Variants in WWP2 observed in about 807,000 individuals in gnomAD.
The protein encoded by WWP2 is WW domain containing E3 ubiquitin protein ligase 2, also known as NEDD4-like E3 ubiquitin-protein ligase WWP2.
A neutral mutation model predicts 121.0 loss-of-function variants in WWP2; 57 were observed. The observed-to-expected ratio is 0.47, with a 90% CI of 0.38 to 0.59. The LOEUF (loss-of-function observed/expected upper bound fraction) is 0.59, where lower values mean the gene tolerates loss of function less well. Ranked by LOEUF, WWP2 falls within the 20% of genes least tolerant of loss-of-function variation. The pLI, the probability that WWP2 is intolerant of heterozygous loss-of-function variation, is 0.00. For synonymous variants in WWP2, 449 were observed against 441.3 expected, an observed-to-expected ratio of 1.02 and a Z score of -0.22; for missense variants, 962 against 1,158.9, an observed-to-expected ratio of 0.83 and a Z score of 2.47.
intron 8 of WWP2, among the ~76,000 whole-genome samples, chr16:69,898,332 A>G (rs147921462): frequency 6.8e-4 from 103 of 151,832 alleles, no homozygotes; most frequent in Non-Finnish European, 1.3e-3. Flanking sequence ...CCAGCCAGTT[A>G]TTTCTTAAAG....
At chr16:69,880,812 A>G (rs1260324690) in intron 7 of WWP2, among the ~76,000 whole-genome samples, 1 of 152,200 alleles carries the variant, frequency 6.6e-6, no homozygotes, top group Non-Finnish European at 1.5e-5. Context: ...TTCAGTAGAA[A>G]GAACTTCTGT....
rs561604386 is a variant in WWP2, at chr16:69,936,178, A to G, written c.1977-134A>G. The G allele has an allele frequency of 1.2e-4, 170 of 1,460,632 alleles. No individual in the cohort carries two copies. The African/African-American group carries it at 2.2e-3, about 19-fold the overall frequency. The allele number at this position is 1,460,632 out of a possible 1,614,324, so 90.5% of individuals were successfully genotyped here. A position where few individuals can be genotyped will look rare whatever the true frequency, so the allele number is the denominator to read the frequency against. On this transcript the variant is annotated intron_variant, in intron 18 of 23. Coordinates refer to ENST00000359154, the MANE Select transcript of WWP2 (RefSeq NM_001270454.2). ...GTTCTAGAACCTTCTCCTTGAGTCA[A>G]GGAGCTGTCCCCTGTCACTGTTCAG...
At chr16:69,821,288 C>T (rs1241517072) in intron 4 of WWP2, among the ~76,000 whole-genome samples, 2 of 152,198 alleles carry the variant, frequency 1.3e-5, no homozygotes, top group South Asian at 2.1e-4. Flanking sequence ...AAGTTGCAGC[C>T]GGGGCCCTTT....
rs181478010 is a variant in WWP2, at chr16:69,940,424, G to A, written c.*484G>A. 4.8e-4 allele frequency: 76 copies of A among 157,222 alleles called. No individual in the cohort carries two copies. The highest frequency in any genetic ancestry group is 1.8e-3 in the African/African-American group (75 of 41,678). The allele number at this position is 157,222 out of a possible 1,614,324, so 9.7% of individuals were successfully genotyped here. On this transcript the variant is annotated 3_prime_UTR_variant, in exon 24 of 24. Coordinates refer to ENST00000359154, the MANE Select transcript of WWP2 (RefSeq NM_001270454.2). The stretch of plus-strand genomic sequence containing the variant: ...ATTGAGCCTCTCTGATGATGGAGAT[G>A]AAGTGAAGGTCTGAGGGAGCGGGCC...
intron 6 of WWP2, among the ~76,000 whole-genome samples, chr16:69,856,208 A>C (rs2057308970): frequency 2.0e-5 from 3 of 152,228 alleles, no homozygotes; most frequent in Non-Finnish European, 4.4e-5. Flanking sequence ...CCAGACATAG[A>C]AGCTTATGTT....
intron 12 of WWP2, among the ~76,000 whole-genome samples, chr16:69,929,754 G>A (rs1203386088): frequency 2.6e-5 from 4 of 152,222 alleles, no homozygotes; most frequent in Non-Finnish European, 5.9e-5. Flanking sequence ...AGGGCGGCCC[G>A]GCTGGCGGGT....
intron 9 of WWP2, chr16:69,909,183 CA>C (rs1329630966): frequency 9.7e-7 from 1 of 1,029,136 alleles, no homozygotes; most frequent in African/African-American, 1.7e-5. Flanking sequence ...CCAAGTTATC[CA>C]AAACCAAAGG....
At chr16:69,863,476 T>C (rs2057462600) in intron 6 of WWP2, among the ~76,000 whole-genome samples, 1 of 151,730 alleles carries the variant, frequency 6.6e-6, no homozygotes, top group Non-Finnish European at 1.5e-5. Context: ...CCGTCTTTAC[T>C]AAAAACACAA....
intron 4 of WWP2, among the ~76,000 whole-genome samples, chr16:69,832,037 C>T (rs924357897): frequency 4.6e-5 from 7 of 152,038 alleles, no homozygotes; most frequent in Non-Finnish European, 1.0e-4. Flanking sequence ...CCATGTTGCC[C>T]AGGCGGGTCT....
At chr16:69,933,539 G>A (rs758984962) in intron 16 of WWP2, among the ~76,000 whole-genome samples, 8 of 152,196 alleles carry the variant, frequency 5.3e-5, no homozygotes, top group Non-Finnish European at 1.0e-4. Flanking sequence ...TGGAAACAGG[G>A]TAGTTACTAT....
chr16:69,798,801 G>A lies in WWP2; in HGVS notation c.190G>A (p.Glu64Lys). The A allele has an allele frequency of 1.9e-6, 3 of 1,614,026 alleles. No homozygotes were observed. Among genetic ancestry groups the A allele is most frequent in the Non-Finnish European group, 2.5e-6 (3 of 1,179,996 alleles). Residue 64 changes from glutamate to lysine, a missense_variant, in exon 3 of 24, where the codon GAG (glutamate) becomes AAG (lysine). By Grantham distance (56) the Glu-to-Lys change is moderately conservative. Transcript: ENST00000359154. ...KKTGKRIGSS[E>K]LLWNEIIILN... ...GACTGGGAAGCGCATTGGGAGCTCTGAGCTTCTCTGGAATGAGATCATCAT... is the reference window on the plus strand; with the variant it reads ...GACTGGGAAGCGCATTGGGAGCTCTAAGCTTCTCTGGAATGAGATCATCAT...
chr16:69,842,114 G>C lies in WWP2; in HGVS notation c.569G>C (p.Arg190Thr). The C allele has an allele frequency of 6.2e-7, 1 of 1,612,360 alleles. No homozygotes were observed. The highest frequency in any genetic ancestry group is 8.5e-7 in the Non-Finnish European group (1 of 1,179,254). ...CCCAGCACAAACTGCTTTGGTGGAA[G>C]ATCCCGGTAAGACCCCCCTTGGTGA... ...QPPSTNCFGG[R>T]SRTHRHSGAS... The change falls in exon 6 of 24, where the codon AGA (arginine) becomes ACA (threonine). Residue 190 changes from arginine to threonine, a missense_variant. By Grantham distance (71) the Arg-to-Thr change is moderately conservative. Around this residue, in one of 3 missense-constraint regions of WWP2, gnomAD observed 211 missense variants for 196.5 expected, o/e 1.07. Transcript: ENST00000359154.
chr16:69,828,753 G>A (rs1597014331), intron 4 of WWP2, among the ~76,000 whole-genome samples: 1 of 152,104 alleles, frequency 6.6e-6, no homozygotes. Flanking sequence ...CACCCGTCTT[G>A]GCAAGGTCAT....
intron 4 of WWP2, among the ~76,000 whole-genome samples, chr16:69,836,240 G>T (rs1448491913): frequency 6.6e-6 from 1 of 151,416 alleles, no homozygotes; most frequent in Non-Finnish European, 1.5e-5. Flanking sequence ...CACAATTCAC[G>T]CATGGCATTT....
At chr16:69,807,679 G>A (rs547914279) in intron 4 of WWP2, among the ~76,000 whole-genome samples, 12 of 149,664 alleles carry the variant, frequency 8.0e-5, no homozygotes, top group East Asian at 2.0e-4. Context: ...GCAGCCAGGT[G>A]CAGTAGCTTA....
chr16:69,863,290 G>A (rs1318792177), intron 6 of WWP2, among the ~76,000 whole-genome samples: 1 of 152,070 alleles, frequency 6.6e-6, no homozygotes, highest in African/African-American at 2.4e-5. Flanking sequence ...CCTTACTAGT[G>A]TATAGTTCTG....
chr16:69,915,861 T>G (rs959282138), intron 9 of WWP2, among the ~76,000 whole-genome samples: 1 of 151,982 alleles, frequency 6.6e-6, no homozygotes, highest in African/African-American at 2.4e-5. Flanking sequence ...CGGGGAGGCT[T>G]CCATGTCTAC....
intron 4 of WWP2, among the ~76,000 whole-genome samples, chr16:69,803,339 A>AT (rs59561303): frequency 0.38 from 56,336 of 148,682 alleles, 10,654 homozygotes; most frequent in Admixed American, 0.49. Context: ...ACTTTTTTCT[A>AT]TTTTTTTTTT....
intron 1 of WWP2, among the ~76,000 whole-genome samples, chr16:69,764,339 T>A (rs1188400256): frequency 6.6e-6 from 1 of 152,190 alleles, no homozygotes; most frequent in Non-Finnish European, 1.5e-5. Flanking sequence ...CAGCTGGGAC[T>A]ACAGGTGGGT....
Sources: allele counts gnomAD v4.1 joint callset (sites outside exome capture counted in the v4.1 genomes callset), GRCh38; gene constraint gnomAD v4.1.1; regional missense constraint gnomAD v4.1.1; transcripts MANE v1.5; gene names NCBI Gene and HGNC (gene_info 2026-07-23, HGNC 2026-07-21).